FBN2: variants seen among roughly 807,000 people sequenced by gnomAD.
FBN2 encodes fibrillin-2.
FBN2 carries 105 observed loss-of-function variants against 355.6 expected under a neutral mutation model. The ratio of observed to expected loss-of-function variants is 0.30; its 90% CI spans 0.25 to 0.35. The LOEUF (loss-of-function observed/expected upper bound fraction) is 0.35, where lower values mean the gene tolerates loss of function less well. Among genes scored for constraint, FBN2 ranks in the 10% least tolerant of loss-of-function variants. The pLI is 1.00. For missense variants in FBN2, 3,280 were observed against 3,758.7 expected (o/e 0.87, Z 3.33); for synonymous variants, 1,350 against 1,301.2 (o/e 1.04, Z -0.81).
intron 5 of FBN2, among the ~76,000 whole-genome samples, chr5:128,469,634 T>C (rs1754804038): frequency 2.0e-5 from 3 of 152,122 alleles, no homozygotes; most frequent in African/African-American, 7.2e-5. Context: ...GGAAATCTTT[T>C]AGAAATCTCA....
At chr5:128,357,163 G>T in intron 20 of FBN2, 113 bp downstream of exon 20, 3 of 1,310,098 alleles carry the variant, frequency 2.3e-6, no homozygotes, top group Non-Finnish European at 2.2e-6. Flanking sequence ...CTAACATAAT[G>T]TGTAATTCTT....
chr5:128,297,587 G>A (rs1210746086), intron 48 of FBN2, among the ~76,000 whole-genome samples: 2 of 152,208 alleles, frequency 1.3e-5, no homozygotes, highest in African/African-American at 4.8e-5. Flanking sequence ...TTACCATTAA[G>A]TAATGGCCTT....
chr5:128,451,369 C>T (rs1754238991), intron 6 of FBN2, among the ~76,000 whole-genome samples: 1 of 152,118 alleles, frequency 6.6e-6, no homozygotes, highest in Admixed American at 6.6e-5. Flanking sequence ...TAATTCAGCA[C>T]ATTTTAAACC....
chr5:128,407,570 T>C (rs1561441657), intron 8 of FBN2, among the ~76,000 whole-genome samples: 1 of 152,152 alleles, frequency 6.6e-6, no homozygotes, highest in Non-Finnish European at 1.5e-5. Context: ...ACTACTACTG[T>C]TTCTTCTATT....
intron 45 of FBN2, among the ~76,000 whole-genome samples, chr5:128,303,833 AT>A (rs557938744): frequency 7.3e-5 from 11 of 151,408 alleles, no homozygotes; most frequent in South Asian, 4.2e-4. Context: ...TAAATCTCAT[AT>A]TTTTTTTTGG....
chr5:128,353,095 C>T (rs1022949704), intron 20 of FBN2, among the ~76,000 whole-genome samples: 8 of 151,994 alleles, frequency 5.3e-5, no homozygotes, highest in African/African-American at 1.9e-4. Context: ...ATTGCCTGAG[C>T]CCCGTAGGCA....
At chr5:128,326,911 A>G (rs1447351067) in intron 34 of FBN2, among the ~76,000 whole-genome samples, 1 of 152,182 alleles carries the variant, frequency 6.6e-6, no homozygotes, top group East Asian at 1.9e-4. Flanking sequence ...GAAGTTCTGA[A>G]AGGGCCTATG....
intron 15 of FBN2, among the ~76,000 whole-genome samples, chr5:128,370,801 T>G (rs568924852): frequency 6.6e-6 from 1 of 152,100 alleles, no homozygotes; most frequent in African/African-American, 2.4e-5. Flanking sequence ...ACATGTTATA[T>G]GGTAGTTTGC....
intron 5 of FBN2, among the ~76,000 whole-genome samples, chr5:128,490,315 A>G (rs1306085795): frequency 6.6e-6 from 1 of 152,208 alleles, no homozygotes; most frequent in Non-Finnish European, 1.5e-5. Context: ...GAGAGATGTC[A>G]TGAGAACTTC....
intron 11 of FBN2, among the ~76,000 whole-genome samples, chr5:128,390,738 A>G (rs1302260766): frequency 6.6e-6 from 1 of 152,236 alleles, no homozygotes; most frequent in Non-Finnish European, 1.5e-5. Flanking sequence ...AGAATGACTG[A>G]CAAATTATAG....
chr5:128,277,796 A>G (rs1426013437), intron 58 of FBN2, 84 bp downstream of exon 58: 2 of 1,382,256 alleles, frequency 1.4e-6, no homozygotes, highest in Admixed American at 1.7e-5. Flanking sequence ...CATAATAAAG[A>G]CACTCTACTG....
At chr5:128,325,195 T>G (rs1561771025) in intron 34 of FBN2, among the ~76,000 whole-genome samples, 1 of 152,186 alleles carries the variant, frequency 6.6e-6, no homozygotes, top group Admixed American at 6.5e-5. Flanking sequence ...TGTCTAATAT[T>G]GACAGTGGGG....
intron 7 of FBN2, among the ~76,000 whole-genome samples, chr5:128,431,410 T>C (rs331083): frequency 0.63 from 95,417 of 152,134 alleles, 32,155 homozygotes; most frequent in African/African-American, 0.88. Context: ...GAACACGTTT[T>C]TGTTCACGTC....
intron 5 of FBN2, among the ~76,000 whole-genome samples, chr5:128,486,474 G>T (rs1279709667): frequency 6.6e-6 from 1 of 152,088 alleles, no homozygotes; most frequent in Non-Finnish European, 1.5e-5. Flanking sequence ...ATATTTAGCT[G>T]TATACAAAAT....
chr5:128,537,392 G>C lies in FBN2; in HGVS notation c.212C>G (p.Ala71Gly). ...PEYREEGAAVASRVRRRGQQD... is the reference protein window; with the variant it reads ...PEYREEGAAVGSRVRRRGQQD... ...CTGTCCTCGCCGGCGGACGCGGCTG[G>C]CCACTGCGGCACCCTCCTCGCGATA... The change falls in exon 1 of 65, where the codon GCC (alanine) becomes GGC (glycine). Residue 71 changes from alanine (A) to glycine (G), a missense_variant. Ala to Gly is a moderately conservative substitution (Grantham distance 60). This residue lies in a region of FBN2 where 203 missense variants were observed against 142.2 expected (regional missense o/e 1.43). Coordinates refer to ENST00000262464, the MANE Select transcript of FBN2 (RefSeq NM_001999.4). 1 of 1,610,426 alleles carries C rather than the reference G, an allele frequency of 6.2e-7. No individual in the cohort carries two copies. The highest frequency in any genetic ancestry group is 8.5e-7 in the Non-Finnish European group (1 of 1,179,610).
At chr5:128,288,092 T>G (rs1749209351) in intron 53 of FBN2, among the ~76,000 whole-genome samples, 1 of 152,202 alleles carries the variant, frequency 6.6e-6, no homozygotes, top group East Asian at 1.9e-4. Context: ...ATATAACTGA[T>G]TTCGAAGCAT....
intron 30 of FBN2, 75 bp downstream of exon 30, chr5:128,335,095 T>C (rs1290376660): frequency 1.3e-6 from 2 of 1,591,666 alleles, no homozygotes; most frequent in Admixed American, 3.3e-5. Context: ...GCCTTCCTTT[T>C]ATCACGCTTG....
At chr5:128,455,676 C>T (rs1263378904) in intron 6 of FBN2, among the ~76,000 whole-genome samples, 1 of 151,790 alleles carries the variant, frequency 6.6e-6, no homozygotes, top group African/African-American at 2.4e-5. Flanking sequence ...AGTGTGGTGC[C>T]ACGGCCCACT....
intron 36 of FBN2, among the ~76,000 whole-genome samples, chr5:128,315,278 A>G (rs1490864512): frequency 1.3e-5 from 2 of 152,188 alleles, no homozygotes; most frequent in East Asian, 3.8e-4. Context: ...TCAATTTTTT[A>G]ATCTATATTT....
Sources: gnomAD v4.1 joint callset for allele counts (sites outside exome capture counted in the v4.1 genomes callset) on GRCh38, gnomAD v4.1.1 for gene constraint, gnomAD v4.1.1 regional missense constraint, MANE v1.5 for transcripts, NCBI Gene and HGNC (gene_info 2026-07-23, HGNC 2026-07-21) for gene names.